ELP4: variants seen among roughly 807,000 people sequenced by gnomAD.
The protein encoded by ELP4 is elongator acetyltransferase complex subunit 4.
ELP4 carries 51 observed loss-of-function variants against 48.9 expected under a neutral mutation model. The ratio of observed to expected loss-of-function variants is 1.04; its 90% CI spans 0.83 to 1.32. The LOEUF (loss-of-function observed/expected upper bound fraction) is 1.32, where lower values mean the gene tolerates loss of function less well. Ranked by LOEUF, ELP4 falls within the 40% of genes most tolerant of loss-of-function variation. The pLI is 0.00. For missense variants in ELP4, 519 were observed against 514.6 expected (o/e 1.01, Z -0.08); for synonymous variants, 210 against 189.2 (o/e 1.11, Z -0.90).
At chr11:31,710,983 C>A (rs1946730943) in intron 9 of ELP4, among the ~76,000 whole-genome samples, 1 of 152,026 alleles carries the variant, frequency 6.6e-6, no homozygotes. Flanking sequence ...CAGTCCAAAT[C>A]AAAAATGATT....
chr11:31,656,904 G>A lies in ELP4; in HGVS notation c.1143+6683G>A, dbSNP rs148449690. ...CAAGACTTTGTAGAACTGCTGTAGC[G>A]GAATTAGTCCAGTTTACATGATACT... On this transcript the variant is annotated intron_variant, in intron 9 of 9. Transcript: ENST00000640961. Among the ~76,000 whole-genome samples the A allele has an allele frequency of 1.2e-3, 188 of 152,034 alleles. 2 individuals carry two copies. The highest frequency in any genetic ancestry group is 4.2e-3 in the African/African-American group (173 of 41,512).
At chr11:31,590,763 C>G (rs757417552) in intron 3 of ELP4, among the ~76,000 whole-genome samples, 34 of 152,218 alleles carry the variant, frequency 2.2e-4, no homozygotes, top group Non-Finnish European at 4.1e-4. Flanking sequence ...AGCAAGAGAG[C>G]AAGCAGGAAG....
intron 9 of ELP4, among the ~76,000 whole-genome samples, chr11:31,680,392 A>G (rs1038137600): frequency 6.6e-6 from 1 of 152,208 alleles, no homozygotes; most frequent in Non-Finnish European, 1.5e-5. Flanking sequence ...ATATTTCTGC[A>G]CCTGCATCAC....
In ELP4 at chr11:31,740,781, G is replaced by A. The variant is rs534480711; in HGVS notation, c.1144-42612G>A. On this transcript the variant is annotated intron_variant, in intron 9 of 9. Coordinates refer to ENST00000640961, the MANE Select transcript of ELP4 (RefSeq NM_019040.5). ...GGGAGGAGCCAAGATGGCCGAATAG[G>A]AACAGCTCCGGTCTACAGCTCCCAG... Among the ~76,000 whole-genome samples, 4 of 152,324 alleles carry A rather than the reference G, an allele frequency of 2.6e-5. No individual in the cohort carries two copies. The South Asian group carries it at 8.3e-4, about 32-fold the overall frequency.
chr11:31,695,401 A>C (rs1362122611), intron 9 of ELP4, among the ~76,000 whole-genome samples: 1 of 152,136 alleles, frequency 6.6e-6, no homozygotes, highest in African/African-American at 2.4e-5. Flanking sequence ...CCTTTTCTGC[A>C]TCTATTGAGA....
chr11:31,530,877 G>A (rs12789808), intron 2 of ELP4, among the ~76,000 whole-genome samples: 9 of 151,914 alleles, frequency 5.9e-5, no homozygotes, highest in East Asian at 1.9e-4. Flanking sequence ...TCATCAGGTT[G>A]GTTGACTACT....
chr11:31,696,685 G>A (rs1374685515), intron 9 of ELP4, among the ~76,000 whole-genome samples: 2 of 152,024 alleles, frequency 1.3e-5, no homozygotes, highest in Admixed American at 6.6e-5. Context: ...AGGAACAACC[G>A]GTACCAGCCA....
chr11:31,578,760 C>T (rs1957333036), intron 3 of ELP4, among the ~76,000 whole-genome samples: 1 of 152,196 alleles, frequency 6.6e-6, no homozygotes, highest in African/African-American at 2.4e-5. Flanking sequence ...AACTGGATCC[C>T]TTCCTTACAC....
At chr11:31,621,517 A>T (rs1480414542) in intron 5 of ELP4, among the ~76,000 whole-genome samples, 1 of 151,916 alleles carries the variant, frequency 6.6e-6, no homozygotes. Context: ...CCAGAACAGA[A>T]AATTTAAACA....
chr11:31,789,798 C>T lies in ELP4; in HGVS notation c.*6274C>T. 2 of 796,416 alleles carry T rather than the reference C, an allele frequency of 2.5e-6. No homozygotes were observed. The highest frequency in any genetic ancestry group is 4.3e-6 in the Non-Finnish European group (2 of 461,256). 49.3% of individuals were successfully genotyped at this position (796,416 alleles called of 1,614,324 possible). ...CCATTCCTTCCCCAGTGGTACAATA[C>T]AGGACACAATTGTAGAACTGAAGCG... On this transcript the variant is annotated 3_prime_UTR_variant, in exon 10 of 10. Coordinates refer to ENST00000640961, the MANE Select transcript of ELP4 (RefSeq NM_019040.5).
chr11:31,589,270 A>T (rs1248422604), intron 3 of ELP4, among the ~76,000 whole-genome samples: 1 of 152,192 alleles, frequency 6.6e-6, no homozygotes, highest in African/African-American at 2.4e-5. Context: ...GAATATATAC[A>T]TTACCATATA....
At chr11:31,570,530 C>T (rs190308747) in intron 3 of ELP4, among the ~76,000 whole-genome samples, 5 of 144,410 alleles carry the variant, frequency 3.5e-5, no homozygotes, top group Non-Finnish European at 7.4e-5. Context: ...TGCAGTGTTG[C>T]GATCTTGGCT....
At chr11:31,643,154 A>G (rs1334306801) in intron 7 of ELP4, among the ~76,000 whole-genome samples, 1 of 151,820 alleles carries the variant, frequency 6.6e-6, no homozygotes, top group African/African-American at 2.4e-5. Context: ...TACATCATGT[A>G]TTATGGTCAA....
intron 9 of ELP4, among the ~76,000 whole-genome samples, chr11:31,766,930 G>A (rs2134262605): frequency 6.6e-6 from 1 of 152,002 alleles, no homozygotes; most frequent in East Asian, 1.9e-4. Flanking sequence ...TATTTCTAAA[G>A]GAAAAACTCA....
intron 5 of ELP4, among the ~76,000 whole-genome samples, chr11:31,618,384 G>T (rs773756172): frequency 1.3e-5 from 2 of 152,064 alleles, no homozygotes; most frequent in African/African-American, 4.8e-5. Flanking sequence ...CTTCCAACAC[G>T]GTAGTTTGAA....
chr11:31,737,237 A>C (rs1947340356), intron 9 of ELP4, among the ~76,000 whole-genome samples: 1 of 152,108 alleles, frequency 6.6e-6, no homozygotes, highest in Non-Finnish European at 1.5e-5. Context: ...CAAACACTGC[A>C]TGTTCTCACT....
chr11:31,779,089 A>G (rs896140621), intron 9 of ELP4, among the ~76,000 whole-genome samples: 1 of 152,170 alleles, frequency 6.6e-6, no homozygotes, highest in East Asian at 1.9e-4. Context: ...GTTAATGCTT[A>G]TTTCTGTGAT....
At chr11:31,602,444 T>C (rs1320982699) in intron 4 of ELP4, among the ~76,000 whole-genome samples, 1 of 151,942 alleles carries the variant, frequency 6.6e-6, no homozygotes, top group Non-Finnish European at 1.5e-5. Flanking sequence ...TCTGTACATA[T>C]TGGATTGAAA....
At chr11:31,635,558 A>G (rs1220231534) in intron 7 of ELP4, among the ~76,000 whole-genome samples, 2 of 152,020 alleles carry the variant, frequency 1.3e-5, no homozygotes, top group African/African-American at 4.8e-5. Context: ...GATGATAGAA[A>G]GAACCTGGGA....
Sources: gnomAD v4.1 joint callset for allele counts (sites outside exome capture counted in the v4.1 genomes callset) on GRCh38, gnomAD v4.1.1 for gene constraint, MANE v1.5 for transcripts, NCBI Gene and HGNC (gene_info 2026-07-23, HGNC 2026-07-21) for gene names.